ANKRD36C: variants seen among roughly 807,000 people sequenced by gnomAD.
The protein encoded by ANKRD36C is ankyrin repeat domain-containing protein 36C.
In ANKRD36C, 61 loss-of-function variants were observed where a neutral mutation model predicts 276.4. The observed-to-expected ratio is 0.22, with a 90% CI of 0.18 to 0.27. ANKRD36C has a LOEUF of 0.27. Among genes scored for constraint, ANKRD36C ranks in the 10% least tolerant of loss-of-function variants. The pLI is 1.00. For synonymous variants in ANKRD36C, 483 were observed against 680.1 expected, an observed-to-expected ratio of 0.71 and a Z score of 4.51; for missense variants, 1,447 against 2,032.3, an observed-to-expected ratio of 0.71 and a Z score of 5.54.
intron 38 of ANKRD36C, among the ~76,000 whole-genome samples, chr2:95,914,595 A>G (rs1434085212): frequency 6.6e-6 from 1 of 151,536 alleles, no homozygotes; most frequent in African/African-American, 2.4e-5. Context: ...TGATGAGAAC[A>G]TATGTGATCT....
intron 38 of ANKRD36C, among the ~76,000 whole-genome samples, chr2:95,915,174 G>C (rs964213155): frequency 6.6e-6 from 1 of 151,520 alleles, no homozygotes; most frequent in African/African-American, 2.4e-5. Flanking sequence ...GGAGTATCAT[G>C]TTATTTTCTA....
At chr2:95,931,043 T>C (rs201704964) in intron 24 of ANKRD36C, among the ~76,000 whole-genome samples, 8 of 151,670 alleles carry the variant, frequency 5.3e-5, no homozygotes, top group East Asian at 1.9e-4. Flanking sequence ...TTGACATACA[T>C]TCTTTTTTGT....
chr2:95,906,504 G>T (rs1676762669), intron 42 of ANKRD36C, 127 bp downstream of exon 50: 4 of 298,236 alleles, frequency 1.3e-5, no homozygotes, highest in Non-Finnish European at 2.5e-5. Flanking sequence ...GAACTTATTA[G>T]AAATGAAGAA....
chr2:95,869,570 C>A (rs1237361322), intron 59 of ANKRD36C, among the ~76,000 whole-genome samples: 4 of 152,214 alleles, frequency 2.6e-5, no homozygotes, highest in African/African-American at 9.7e-5. Context: ...GTCTACAGCT[C>A]CCAGCGTGAG....
At chr2:95,944,086 A>T (rs1427983074) in intron 19 of ANKRD36C, among the ~76,000 whole-genome samples, 1 of 152,186 alleles carries the variant, frequency 6.6e-6, no homozygotes, top group Non-Finnish European at 1.5e-5. Context: ...ACTCAGAAGA[A>T]TCTGAGAATT....
rs991970683 is a variant in ANKRD36C at position 95,902,895 on chromosome 2, T to A, written c.2654-3559A>T. 3 of 1,579,454 alleles carry A rather than the reference T, an allele frequency of 1.9e-6. No individual in the cohort carries two copies. The African/African-American group carries it at 4.1e-5, about 21-fold the overall frequency. On this transcript the variant is annotated intron_variant, in intron 42 of 66. Transcript: ENST00000456556. ...CTCTTTTCAAAATTACCTCTCCTAG[T>A]TTTTTCTCCATACTTTTTTCCTCTG...
chr2:95,921,851 T>C, intron 32 of ANKRD36C, 41 bp from the exon 33 acceptor site: 2 of 1,561,528 alleles, frequency 1.3e-6, no homozygotes, highest in African/African-American at 1.4e-5. Context: ...GTAAATATGA[T>C]ACATTTTCCA....
At chr2:95,914,687 A>C (rs911489158) in intron 38 of ANKRD36C, among the ~76,000 whole-genome samples, 3 of 151,504 alleles carry the variant, frequency 2.0e-5, no homozygotes, top group Admixed American at 1.3e-4. Flanking sequence ...TCACACAGGA[A>C]ATCAAAAGGA....
At chr2:95,890,871 A>G (rs971672388) in intron 46 of ANKRD36C, among the ~76,000 whole-genome samples, 3 of 151,536 alleles carry the variant, frequency 2.0e-5, no homozygotes, top group Non-Finnish European at 4.4e-5. Context: ...TATTCTTTAA[A>G]GAAGTTTCAT....
At chr2:95,865,255 A>G (rs1190933147) in intron 60 of ANKRD36C, among the ~76,000 whole-genome samples, 3 of 151,960 alleles carry the variant, frequency 2.0e-5, no homozygotes, top group Non-Finnish European at 1.5e-5. Flanking sequence ...TAGATTCGCT[A>G]TTGTTAAGAT....
chr2:95,987,785 C>G (rs1679062213), intron 1 of ANKRD36C, among the ~76,000 whole-genome samples: 1 of 151,884 alleles, frequency 6.6e-6, no homozygotes, highest in Non-Finnish European at 1.5e-5. Flanking sequence ...CCGCGCCCGG[C>G]TAATTTTTAC....
chr2:95,979,584 G>A (rs1678876791), intron 5 of ANKRD36C, among the ~76,000 whole-genome samples: 1 of 151,956 alleles, frequency 6.6e-6, no homozygotes, highest in Admixed American at 6.6e-5. Flanking sequence ...CAAGTTGAAT[G>A]CCTACTACTC....
chr2:95,852,786 C>T (rs1270828686), intron 64 of ANKRD36C: 1 of 152,044 alleles, frequency 6.6e-6, no homozygotes, highest in Non-Finnish European at 1.5e-5. Context: ...AGGGAAACAA[C>T]AAGAAAATTT....
intron 6 of ANKRD36C, among the ~76,000 whole-genome samples, chr2:95,973,098 C>T (rs1678730058): frequency 6.6e-6 from 1 of 151,786 alleles, no homozygotes; most frequent in South Asian, 2.1e-4. Flanking sequence ...GCCTGGGAAA[C>T]AGAGTGAGAC....
chr2:95,853,018 A>T (rs1416994580), intron 64 of ANKRD36C: 2 of 152,206 alleles, frequency 1.3e-5, no homozygotes, highest in African/African-American at 4.8e-5. Flanking sequence ...TCTCAAACCC[A>T]TCCTTTGCTG....
intron 52 of ANKRD36C, among the ~76,000 whole-genome samples, chr2:95,885,707 T>A (rs1343559262): frequency 6.6e-6 from 1 of 151,942 alleles, no homozygotes; most frequent in Non-Finnish European, 1.5e-5. Flanking sequence ...CTGACGCCTA[T>A]AATATCTATT....
intron 17 of ANKRD36C, among the ~76,000 whole-genome samples, chr2:95,946,204 C>T (rs567578172): frequency 1.4e-5 from 2 of 147,568 alleles, no homozygotes; most frequent in Non-Finnish European, 3.0e-5. Context: ...AACTTAACAC[C>T]TGGAGAAAGA....
intron 20 of ANKRD36C, 86 bp downstream of exon 20, chr2:95,941,074 C>A: frequency 7.8e-7 from 1 of 1,286,854 alleles, no homozygotes; most frequent in Admixed American, 3.7e-5. Flanking sequence ...TATTCACTAC[C>A]TCACCACCTT....
intron 42 of ANKRD36C, among the ~76,000 whole-genome samples, chr2:95,911,589 A>G (rs1676926725): frequency 6.6e-6 from 1 of 151,514 alleles, no homozygotes; most frequent in African/African-American, 2.4e-5. Flanking sequence ...AGTAACAAAG[A>G]GGAGTAATGA....
Sources: allele counts gnomAD v4.1 joint callset (sites outside exome capture counted in the v4.1 genomes callset), GRCh38; gene constraint gnomAD v4.1.1; transcripts MANE v1.5; gene names NCBI Gene and HGNC (gene_info 2026-07-23, HGNC 2026-07-21).